The following SLC9C1 variants were observed in gnomAD, a reference collection of about 807,000 sequenced individuals.
SLC9C1 encodes solute carrier family 9 member C1.
Under a neutral mutation model 140.9 loss-of-function variants are expected in SLC9C1, and 97 were observed. That is an observed-to-expected ratio of 0.69 (90% CI 0.58 to 0.82). SLC9C1 has a LOEUF of 0.82. Among genes scored for constraint, SLC9C1 ranks in the 40% least tolerant of loss-of-function variants. The pLI, the probability that SLC9C1 is intolerant of heterozygous loss-of-function variation, is 0.00. For missense variants in SLC9C1, 1,340 were observed against 1,389.3 expected (o/e 0.96, Z 0.56); for synonymous variants, 440 against 442.6 (o/e 0.99, Z 0.07).
chr3:112,286,640 A>C, intron 2 of SLC9C1, 64 bp downstream of exon 2: 1 of 1,371,894 alleles, frequency 7.3e-7, no homozygotes, highest in Non-Finnish European at 1.0e-6. Context: ...CCTTAATTCT[A>C]TATGGTAGCA....
At chr3:112,233,479 C>A (rs13080158) in intron 12 of SLC9C1, among the ~76,000 whole-genome samples, 89,928 of 151,908 alleles carry the variant, frequency 0.59, 27,131 homozygotes, top group East Asian at 0.79. Flanking sequence ...TTTGGTATTT[C>A]TTGATTCTTT....
At chr3:112,223,839 TCA>T (rs1375792692) in intron 13 of SLC9C1, among the ~76,000 whole-genome samples, 25 of 152,166 alleles carry the variant, frequency 1.6e-4, no homozygotes, top group Non-Finnish European at 3.2e-4. Context: ...GATAAATAAA[TCA>T]CAGTCTTTAG....
intron 14 of SLC9C1, among the ~76,000 whole-genome samples, chr3:112,218,173 G>C (rs1347232011): frequency 6.8e-5 from 2 of 29,282 alleles, no homozygotes; most frequent in Non-Finnish European, 1.6e-4. Context: ...CTTTCTGCTA[G>C]GTTTTTTTTT....
chr3:112,281,336 A>C (rs2080351873), intron 2 of SLC9C1, among the ~76,000 whole-genome samples: 1 of 152,198 alleles, frequency 6.6e-6, no homozygotes, highest in South Asian at 2.1e-4. Context: ...AATCGAGGTG[A>C]ATCTGGGAAC....
In SLC9C1 at chr3:112,255,282, A is replaced by G. The variant is rs878951158; in HGVS notation, c.1197+7642T>C. Reference sequence around the variant, plus strand: ...TCCATCAAAAAACAACAGAATATACATTCTTCTCATCACCACATGGCAAAA... The same window carrying G: ...TCCATCAAAAAACAACAGAATATACGTTCTTCTCATCACCACATGGCAAAA... On this transcript the variant is annotated intron_variant, in intron 10 of 28. Coordinates refer to ENST00000305815, the MANE Select transcript of SLC9C1 (RefSeq NM_183061.3). 3.3e-5 allele frequency among the ~76,000 whole-genome samples: 5 copies of G among 152,276 alleles called. No individual in the cohort carries two copies. In the East Asian group the frequency reaches 5.8e-4, roughly 18 times the overall value.
intron 23 of SLC9C1, among the ~76,000 whole-genome samples, chr3:112,174,806 G>A (rs1217291059): frequency 1.3e-5 from 2 of 152,202 alleles, no homozygotes; most frequent in Non-Finnish European, 2.9e-5. Flanking sequence ...GAAATGCTGG[G>A]CTGTCTTTGA....
chr3:112,170,812 A>G (rs2077232074), intron 23 of SLC9C1, among the ~76,000 whole-genome samples: 1 of 152,198 alleles, frequency 6.6e-6, no homozygotes, highest in African/African-American at 2.4e-5. Context: ...GGACATGTAT[A>G]TTTAACTTTT....
chr3:112,202,827 C>T (rs2077940827), intron 17 of SLC9C1, among the ~76,000 whole-genome samples: 1 of 151,928 alleles, frequency 6.6e-6, no homozygotes, highest in Non-Finnish European at 1.5e-5. Context: ...ACCATACTGC[C>T]TGTTAGACCC....
intron 5 of SLC9C1, 136 bp from the exon 6 acceptor site, chr3:112,275,161 T>A (rs1185822484): frequency 1.1e-6 from 1 of 884,254 alleles, no homozygotes; most frequent in Non-Finnish European, 1.6e-6. Context: ...GTTTAGACAA[T>A]CATAATTGGC....
intron 19 of SLC9C1, 93 bp from the exon 20 acceptor site, chr3:112,199,562 G>T: frequency 3.1e-6 from 3 of 967,970 alleles, no homozygotes; most frequent in Non-Finnish European, 4.3e-6. Context: ...CTAAACCCAT[G>T]GAATACCGCC....
At chr3:112,268,060 T>C (rs1057182296) in intron 7 of SLC9C1, among the ~76,000 whole-genome samples, 2 of 152,234 alleles carry the variant, frequency 1.3e-5, no homozygotes, top group Non-Finnish European at 2.9e-5. Flanking sequence ...ATCTCGACTC[T>C]AAAAGTTTAA....
chr3:112,193,210 G>A (rs2077700529), intron 20 of SLC9C1, among the ~76,000 whole-genome samples: 1 of 152,194 alleles, frequency 6.6e-6, no homozygotes, highest in Admixed American at 6.5e-5. Flanking sequence ...CAAGTTGGGG[G>A]CACATGCATG....
At chr3:112,162,661 G>C (rs1414072612) in intron 26 of SLC9C1, among the ~76,000 whole-genome samples, 2 of 152,098 alleles carry the variant, frequency 1.3e-5, no homozygotes, top group Non-Finnish European at 2.9e-5. Context: ...TGTACTGCTG[G>C]ATTCATTTTG....
chr3:112,229,775 G>A (rs1020431056), intron 13 of SLC9C1, among the ~76,000 whole-genome samples: 12 of 151,984 alleles, frequency 7.9e-5, no homozygotes, highest in Admixed American at 3.9e-4. Context: ...CTTAGATAGA[G>A]AAACAAAACT....
At chr3:112,159,779 T>C (rs541328527) in intron 26 of SLC9C1, among the ~76,000 whole-genome samples, 1 of 152,002 alleles carries the variant, frequency 6.6e-6, no homozygotes, top group South Asian at 2.1e-4. Flanking sequence ...TGTTATATCC[T>C]CTTGTTTAAT....
At chr3:112,242,717 G>A (rs975305734) in intron 11 of SLC9C1, among the ~76,000 whole-genome samples, 6 of 152,072 alleles carry the variant, frequency 3.9e-5, no homozygotes, top group African/African-American at 1.4e-4. Context: ...AAACACCTGA[G>A]GTGATGGATA....
At chr3:112,277,964 C>T (rs2080261236) in intron 4 of SLC9C1, 104 bp from the exon 5 acceptor site, 1 of 910,374 alleles carries the variant, frequency 1.1e-6, no homozygotes, top group Non-Finnish European at 1.6e-6. Context: ...CCAACACCAA[C>T]AGTACCCACC....
intron 28 of SLC9C1, among the ~76,000 whole-genome samples, chr3:112,143,539 T>C (rs1038199158): frequency 6.6e-6 from 1 of 152,206 alleles, no homozygotes; most frequent in Non-Finnish European, 1.5e-5. Context: ...ACGTCTTCAT[T>C]TGAGAAGTGT....
intron 15 of SLC9C1, among the ~76,000 whole-genome samples, chr3:112,209,385 T>G (rs2078141077): frequency 6.6e-6 from 1 of 152,208 alleles, no homozygotes; most frequent in Admixed American, 6.5e-5. Flanking sequence ...CTTGATCTCT[T>G]CCAGCAGCAA....
Sources: allele counts gnomAD v4.1 joint callset (sites outside exome capture counted in the v4.1 genomes callset), GRCh38; gene constraint gnomAD v4.1.1; transcripts MANE v1.5; gene names NCBI Gene and HGNC (gene_info 2026-07-23, HGNC 2026-07-21).